The following BRD4 variants were observed in gnomAD, a reference collection of about 807,000 sequenced individuals.
BRD4 encodes bromodomain containing 4.
Under a neutral mutation model 142.1 loss-of-function variants are expected in BRD4, and 16 were observed. The ratio of observed to expected loss-of-function variants is 0.11; its 90% CI spans 0.08 to 0.17. The LOEUF is 0.17. BRD4 is among the 10% of genes least tolerant of loss of function. The pLI, the probability that BRD4 is intolerant of heterozygous loss-of-function variation, is 1.00. For synonymous variants in BRD4, 833 were observed against 707.5 expected, an observed-to-expected ratio of 1.18 and a Z score of -2.82; for missense variants, 1,424 against 1,810.9, an observed-to-expected ratio of 0.79 and a Z score of 3.88.
chr19:15,273,745 C>G (rs1388077725), intron 1 of BRD4, among the ~76,000 whole-genome samples: 2 of 151,664 alleles, frequency 1.3e-5, no homozygotes, highest in Non-Finnish European at 2.9e-5. Flanking sequence ...TAATGCAGGT[C>G]TGCTGAGGAA....
In BRD4 at chr19:15,235,898, C is replaced by G. The variant is rs1273342163; in HGVS notation, c.*2479G>C. The G allele has an allele frequency of 6.6e-6, 1 of 152,208 alleles. No homozygotes were observed. Among genetic ancestry groups the G allele is most frequent in the African/African-American group, 2.4e-5 (1 of 41,456 alleles). 9.4% of individuals were successfully genotyped at this position (152,208 alleles called of 1,614,324 possible). On this transcript the variant is annotated 3_prime_UTR_variant, in exon 20 of 20. Transcript: ENST00000679869. ...GCAGGAAGCTGCAGAGAAAACTATCCAGCTCAGCAGTTGGACCCAGGCTGG... is the reference window on the plus strand; with the variant it reads ...GCAGGAAGCTGCAGAGAAAACTATCGAGCTCAGCAGTTGGACCCAGGCTGG...
chr19:15,298,278 G>T (rs2047839737), intron 1 of BRD4, among the ~76,000 whole-genome samples: 1 of 152,204 alleles, frequency 6.6e-6, no homozygotes, highest in Non-Finnish European at 1.5e-5. Flanking sequence ...AGTATGTACA[G>T]GACTGTAGTT....
At chr19:15,257,644 G>A (rs917704189) in intron 7 of BRD4, among the ~76,000 whole-genome samples, 3 of 152,126 alleles carry the variant, frequency 2.0e-5, no homozygotes, top group African/African-American at 7.2e-5. Context: ...CGGTGGGAAT[G>A]TACCTGCCAC....
chr19:15,248,545 G>A (rs1315297171), intron 11 of BRD4: 2 of 223,868 alleles, frequency 8.9e-6, no homozygotes. Flanking sequence ...TGTGACTTGA[G>A]AAGACGGAGG....
At chr19:15,327,861 G>A (rs957392095) in intron 1 of BRD4, among the ~76,000 whole-genome samples, 5 of 135,206 alleles carry the variant, frequency 3.7e-5, no homozygotes, top group African/African-American at 1.1e-4. Context: ...GCTTCCAGGG[G>A]CAAAAGTGGC....
chr19:15,244,057 G>C (rs1440018568), intron 13 of BRD4, among the ~76,000 whole-genome samples, 174 bp downstream of exon 13: 1 of 152,222 alleles, frequency 6.6e-6, no homozygotes, highest in African/African-American at 2.4e-5. Flanking sequence ...TGCATGACCT[G>C]TCTTGAGGCA....
chr19:15,316,642 C>T (rs770390074), intron 1 of BRD4, among the ~76,000 whole-genome samples: 2 of 152,074 alleles, frequency 1.3e-5, no homozygotes, highest in Non-Finnish European at 2.9e-5. Context: ...CAAATCAAGG[C>T]AACTTGGTTC....
chr19:15,278,105 C>CAA lies in BRD4; in HGVS notation c.-34-4974_-34-4973dup, dbSNP rs59204229. ...TGGGAGACAGAGCAAGACTCCGTCT[C>CAA]AAAAAAAAAAAAAAAAAAAAAAAAA... On this transcript the variant is annotated intron_variant, in intron 1 of 19. Coordinates refer to ENST00000679869, the MANE Select transcript of BRD4 (RefSeq NM_001379291.1). Among the ~76,000 whole-genome samples the CAA allele has an allele frequency of 2.0e-3, 110 of 55,038 alleles. 7 individuals are homozygous for CAA. Among genetic ancestry groups the CAA allele is most frequent in the African/African-American group, 2.6e-3 (39 of 14,830 alleles). The allele number at this position is 55,038 out of a possible 152,430, so 36.1% of individuals were successfully genotyped here.
intron 1 of BRD4, among the ~76,000 whole-genome samples, chr19:15,310,531 C>A (rs2051105469): frequency 6.6e-6 from 1 of 151,764 alleles, no homozygotes; most frequent in South Asian, 2.1e-4. Flanking sequence ...TGGCTAATTT[C>A]TTCTATTTTG....
chr19:15,258,481 A>G (rs2047436187), intron 7 of BRD4, among the ~76,000 whole-genome samples: 1 of 152,134 alleles, frequency 6.6e-6, no homozygotes, highest in African/African-American at 2.4e-5. Flanking sequence ...GCAGCGTTCT[A>G]CCATGTTGGC....
intron 13 of BRD4, among the ~76,000 whole-genome samples, chr19:15,243,979 A>G (rs959724829): frequency 1.3e-5 from 2 of 152,184 alleles, no homozygotes; most frequent in African/African-American, 4.8e-5. Context: ...AATCATCTAG[A>G]TTGTTACTCA....
chr19:15,322,874 A>AAAG (rs1260491031), intron 1 of BRD4, among the ~76,000 whole-genome samples: 2 of 144,810 alleles, frequency 1.4e-5, no homozygotes, highest in African/African-American at 5.1e-5. Context: ...CTCCAAAAAA[A>AAAG]AAAAAAAAAA....
intron 7 of BRD4, among the ~76,000 whole-genome samples, chr19:15,262,550 A>G (rs929084391): frequency 2.0e-5 from 3 of 150,796 alleles, no homozygotes; most frequent in Admixed American, 6.6e-5. Flanking sequence ...AAAGAAAAAA[A>G]AAAAGAAAAT....
intron 7 of BRD4, among the ~76,000 whole-genome samples, chr19:15,258,226 C>T (rs1433594789): frequency 2.0e-5 from 3 of 152,232 alleles, no homozygotes; most frequent in Non-Finnish European, 4.4e-5. Flanking sequence ...GGAAACACTC[C>T]TTGAGGCTTC....
At chr19:15,272,361 G>A (rs1414999694) in intron 2 of BRD4, among the ~76,000 whole-genome samples, 1 of 152,134 alleles carries the variant, frequency 6.6e-6, no homozygotes, top group African/African-American at 2.4e-5. Context: ...CGTGTGCTCC[G>A]GGTGACAGTG....
At chr19:15,280,216 G>C in intron 1 of BRD4, 2 of 998,890 alleles carry the variant, frequency 2.0e-6, no homozygotes, top group Non-Finnish European at 2.4e-6. Flanking sequence ...ACGTCATTTG[G>C]AACAGTGTGT....
rs1000109443 is a variant in BRD4 at position 15,300,389 on chromosome 19, T to TA, written c.-34-27257dup. ...CAACATGGTGAAACCCTGTCTCCAC[T>TA]AAAAAAAAAAATACAAAAAGCCAGG... On this transcript the variant is annotated intron_variant, in intron 1 of 19. Transcript: ENST00000679869. Among the ~76,000 whole-genome samples the TA allele has an allele frequency of 3.0e-3, 438 of 144,384 alleles. 1 individual carries two copies. The highest frequency in any genetic ancestry group is 8.6e-3 in the African/African-American group (339 of 39,510). The allele number at this position is 144,384 out of a possible 152,430, so 94.7% of individuals were successfully genotyped here. A position where few individuals can be genotyped will look rare whatever the true frequency, so the allele number is the denominator to read the frequency against.
At chr19:15,241,214 C>A (rs1282033688) in intron 14 of BRD4, among the ~76,000 whole-genome samples, 1 of 152,212 alleles carries the variant, frequency 6.6e-6, no homozygotes, top group Non-Finnish European at 1.5e-5. Context: ...CTGCCAATTC[C>A]ATTCAGTGCT....
intron 1 of BRD4, among the ~76,000 whole-genome samples, chr19:15,312,361 C>T (rs112113930): frequency 0.088 from 13,455 of 152,034 alleles, 660 homozygotes; most frequent in Middle Eastern, 0.18. Context: ...GGGCCAGGTG[C>T]GGTGGCTCAC....
Sources: gnomAD v4.1 joint callset for allele counts (sites outside exome capture counted in the v4.1 genomes callset) on GRCh38, gnomAD v4.1.1 for gene constraint, MANE v1.5 for transcripts, NCBI Gene and HGNC (gene_info 2026-07-23, HGNC 2026-07-21) for gene names.